FAM135B: variants seen among roughly 807,000 people sequenced by gnomAD.
FAM135B encodes family with sequence similarity 135 member B, also known as protein FAM135B.
In FAM135B, 43 loss-of-function variants were observed where a neutral mutation model predicts 127.7. That is an observed-to-expected ratio of 0.34 (90% CI 0.26 to 0.43). FAM135B has a LOEUF of 0.43. FAM135B is among the 20% of genes least tolerant of loss of function. FAM135B has a pLI of 1.00. For missense variants in FAM135B, 1,558 were observed against 1,725.6 expected (o/e 0.90, Z 1.72); for synonymous variants, 670 against 665.1 (o/e 1.01, Z -0.11).
chr8:138,343,912 C>A (rs1337350346), intron 2 of FAM135B, among the ~76,000 whole-genome samples: 1 of 152,222 alleles, frequency 6.6e-6, no homozygotes, highest in Non-Finnish European at 1.5e-5. Flanking sequence ...GAGCTCCTTT[C>A]TTTCCATGGC....
At chr8:138,142,285 C>CTTTTTTTTTTTTTTTTT (rs1166235927) in intron 16 of FAM135B, among the ~76,000 whole-genome samples, 1 of 99,934 alleles carries the variant, frequency 1.0e-5, no homozygotes, top group Non-Finnish European at 2.0e-5. Context: ...CATTCTGCTT[C>CTTTTTTTTTTTTTTTTT]TTCTTTTTTT....
chr8:138,275,684 G>C (rs1823766383), intron 3 of FAM135B, among the ~76,000 whole-genome samples: 1 of 151,806 alleles, frequency 6.6e-6, no homozygotes, highest in Non-Finnish European at 1.5e-5. Context: ...GACAGAACGA[G>C]AGTTTGTCTC....
At chr8:138,316,235 G>A (rs933007309) in intron 2 of FAM135B, among the ~76,000 whole-genome samples, 8 of 152,110 alleles carry the variant, frequency 5.3e-5, no homozygotes, top group Admixed American at 2.6e-4. Flanking sequence ...GGCCGGGCGC[G>A]GTGGCTCACG....
intron 1 of FAM135B, among the ~76,000 whole-genome samples, chr8:138,461,421 G>A (rs1220394609): frequency 6.6e-6 from 1 of 152,176 alleles, no homozygotes; most frequent in Non-Finnish European, 1.5e-5. Flanking sequence ...TTCCTTTCCA[G>A]AGGATTTGAG....
At chr8:138,325,089 C>T (rs566317472) in intron 2 of FAM135B, among the ~76,000 whole-genome samples, 2 of 150,280 alleles carry the variant, frequency 1.3e-5, no homozygotes, top group East Asian at 2.0e-4. Context: ...CCTCTGAGGG[C>T]TAGAGGATTC....
At chr8:138,225,148 T>G (rs2130106884) in intron 7 of FAM135B, among the ~76,000 whole-genome samples, 1 of 152,278 alleles carries the variant, frequency 6.6e-6, no homozygotes. Context: ...ATATGTTAAT[T>G]AGCTTGATTT....
At chr8:138,236,259 T>C (rs1245077169) in intron 7 of FAM135B, among the ~76,000 whole-genome samples, 5 of 152,158 alleles carry the variant, frequency 3.3e-5, no homozygotes, top group African/African-American at 7.2e-5. Flanking sequence ...CTTCTGGATA[T>C]ATATCCAACA....
intron 7 of FAM135B, among the ~76,000 whole-genome samples, chr8:138,220,429 G>GA (rs1818939094): frequency 1.3e-5 from 2 of 152,134 alleles, no homozygotes; most frequent in South Asian, 4.1e-4. Flanking sequence ...TGGAGCCTCT[G>GA]AAGCCACACT....
intron 3 of FAM135B, among the ~76,000 whole-genome samples, chr8:138,277,302 G>A (rs1453315442): frequency 6.6e-6 from 1 of 152,102 alleles, no homozygotes; most frequent in Non-Finnish European, 1.5e-5. Context: ...TCTGTGCATG[G>A]ACACGGGAAT....
Position 138,292,269 on chromosome 8 carries a change from G to T in FAM135B, c.157+18572C>A, listed in dbSNP as rs191010214. On this transcript the variant is annotated intron_variant, in intron 3 of 19. Transcript: ENST00000395297. ...AGACACTAATGAAAGAAACTGAAAA[G>T]GGCACAGATACATGTAAAGATAGCT... 2.6e-4 allele frequency among the ~76,000 whole-genome samples: 40 copies of T among 152,098 alleles called. No individual in the cohort carries two copies. The East Asian group carries it at 7.1e-3, about 27-fold the overall frequency.
chr8:138,469,339 G>C (rs1474684939), intron 1 of FAM135B, among the ~76,000 whole-genome samples: 1 of 152,112 alleles, frequency 6.6e-6, no homozygotes, highest in Admixed American at 6.5e-5. Flanking sequence ...TGATTGATTA[G>C]ACCTAGGAAA....
chr8:138,157,400 C>T (rs1252730355), intron 12 of FAM135B, among the ~76,000 whole-genome samples: 3 of 152,194 alleles, frequency 2.0e-5, no homozygotes, highest in East Asian at 3.8e-4. Flanking sequence ...ACAGGGATGC[C>T]TTCTCTCACC....
rs552007387 is a variant in FAM135B at position 138,181,133 on chromosome 8, C to T, written c.874-2443G>A. Among the ~76,000 whole-genome samples the T allele has an allele frequency of 8.6e-5, 13 of 151,758 alleles. No individual in the cohort carries two copies. In the South Asian group the frequency reaches 1.9e-3, roughly 22 times the overall value. Reference sequence around the variant, plus strand: ...GCAGGTGCCTATAGTCCCAGCTAATCGGGAGGCTGAGGCAGGAGAATTGCT... The same window carrying T: ...GCAGGTGCCTATAGTCCCAGCTAATTGGGAGGCTGAGGCAGGAGAATTGCT... On this transcript the variant is annotated intron_variant, in intron 9 of 19. Transcript: ENST00000395297.
chr8:138,408,401 G>A (rs559123054), intron 1 of FAM135B, among the ~76,000 whole-genome samples: 5 of 152,120 alleles, frequency 3.3e-5, no homozygotes, highest in South Asian at 2.1e-4. Flanking sequence ...GGTTTCTTTC[G>A]TTAAACCCTC....
rs1391660688 is a variant in FAM135B at position 138,426,034 on chromosome 8, C to T, written c.-19-58032G>A. On this transcript the variant is annotated intron_variant, in intron 1 of 19. Coordinates refer to ENST00000395297, the MANE Select transcript of FAM135B (RefSeq NM_015912.4). ...ATATACACACACATACATATACACA[C>T]ACACACACACACACACATATATATA... is the stretch of plus-strand genomic sequence containing the variant. Among the ~76,000 whole-genome samples the T allele has an allele frequency of 5.7e-3, 393 of 68,934 alleles. 23 individuals carry two copies. The highest frequency in any genetic ancestry group is 0.035 in the East Asian group (88 of 2,526). 45.2% of individuals were successfully genotyped at this position (68,934 alleles called of 152,430 possible). A position where few individuals can be genotyped will look rare whatever the true frequency, so the allele number is the denominator to read the frequency against.
intron 8 of FAM135B, 126 bp from the exon 9 acceptor site, chr8:138,195,433 G>A: frequency 1.2e-6 from 1 of 848,666 alleles, no homozygotes. Flanking sequence ...CATTGCTGAG[G>A]ACCTTCTACC....
intron 9 of FAM135B, among the ~76,000 whole-genome samples, chr8:138,188,288 A>G (rs1418453980): frequency 6.6e-6 from 1 of 152,210 alleles, no homozygotes; most frequent in Non-Finnish European, 1.5e-5. Flanking sequence ...GGAATCCCTG[A>G]TGTAAAGCTG....
chr8:138,164,226 T>C (rs757649795), intron 12 of FAM135B, among the ~76,000 whole-genome samples: 4 of 151,988 alleles, frequency 2.6e-5, no homozygotes, highest in Non-Finnish European at 4.4e-5. Flanking sequence ...AAGCTTCCAG[T>C]ATGGAGAAGG....
chr8:138,351,248 G>A (rs112100041), intron 2 of FAM135B, among the ~76,000 whole-genome samples: 5 of 152,250 alleles, frequency 3.3e-5, no homozygotes, highest in African/African-American at 1.2e-4. Flanking sequence ...TTTGGAAACA[G>A]GGTCTTTATA....
Sources: allele counts gnomAD v4.1 joint callset (sites outside exome capture counted in the v4.1 genomes callset), GRCh38; gene constraint gnomAD v4.1.1; transcripts MANE v1.5; gene names NCBI Gene and HGNC (gene_info 2026-07-23, HGNC 2026-07-21).